PTPRD: variants seen among roughly 807,000 people sequenced by gnomAD.
PTPRD encodes receptor-type tyrosine-protein phosphatase delta.
PTPRD carries 34 observed loss-of-function variants against 214.5 expected under a neutral mutation model. The observed-to-expected ratio is 0.16, with a 90% CI of 0.12 to 0.21. The LOEUF (loss-of-function observed/expected upper bound fraction) is 0.21, where lower values mean the gene tolerates loss of function less well. PTPRD is among the 10% of genes least tolerant of loss of function. The pLI is 1.00. For synonymous variants in PTPRD, 1,128 were observed against 845.7 expected (o/e 1.33, Z -5.79); for missense variants, 2,545 against 2,398.7 (o/e 1.06, Z -1.27).
chr9:9,771,273 T>A (rs1354405178), intron 5 of PTPRD, among the ~76,000 whole-genome samples: 1 of 152,204 alleles, frequency 6.6e-6, no homozygotes, highest in East Asian at 1.9e-4. Context: ...TCACTGTCTA[T>A]TTCTTTTAAG....
intron 14 of PTPRD, among the ~76,000 whole-genome samples, chr9:8,574,831 T>A (rs958777470): frequency 3.9e-5 from 6 of 151,952 alleles, no homozygotes; most frequent in African/African-American, 7.2e-5. Flanking sequence ...AACAAACTTA[T>A]AAAATGAAGT....
intron 9 of PTPRD, among the ~76,000 whole-genome samples, chr9:9,339,882 C>T (rs182236031): frequency 1.7e-3 from 263 of 152,186 alleles, no homozygotes; most frequent in Non-Finnish European, 3.0e-3. Flanking sequence ...GGTTTTAGGT[C>T]AATTTATACC....
intron 2 of PTPRD, among the ~76,000 whole-genome samples, chr9:10,415,792 G>A (rs2098481535): frequency 6.6e-6 from 1 of 151,824 alleles, no homozygotes; most frequent in Admixed American, 6.6e-5. Flanking sequence ...GAGGCAAGAG[G>A]TGGTGATTTT....
At chr9:9,027,933 A>G (rs1051407302) in intron 10 of PTPRD, among the ~76,000 whole-genome samples, 2 of 151,950 alleles carry the variant, frequency 1.3e-5, no homozygotes, top group Admixed American at 6.6e-5. Flanking sequence ...GATGAAAAAC[A>G]TATTAGCCAC....
At chr9:8,792,628 G>T (rs10977301) in intron 11 of PTPRD, among the ~76,000 whole-genome samples, 2 of 152,086 alleles carry the variant, frequency 1.3e-5, no homozygotes, top group African/African-American at 2.4e-5. Context: ...TAGCCTTTCC[G>T]TTGTTGTTTA....
chr9:9,622,786 A>T (rs1306278244), intron 7 of PTPRD, among the ~76,000 whole-genome samples: 1 of 152,268 alleles, frequency 6.6e-6, no homozygotes, highest in East Asian at 1.9e-4. Flanking sequence ...GTAAAGGGAT[A>T]AACACTGCTC....
At chr9:9,904,843 C>T (rs544441979) in intron 5 of PTPRD, among the ~76,000 whole-genome samples, 4 of 152,056 alleles carry the variant, frequency 2.6e-5, no homozygotes, top group South Asian at 2.1e-4. Flanking sequence ...TCAGAGAAAT[C>T]GTAGGTGGGC....
At chr9:9,112,744 G>A (rs994770313) in intron 10 of PTPRD, among the ~76,000 whole-genome samples, 5 of 152,150 alleles carry the variant, frequency 3.3e-5, no homozygotes, top group African/African-American at 1.2e-4. Flanking sequence ...TAACAAAATT[G>A]TGAGAGAAAT....
intron 7 of PTPRD, among the ~76,000 whole-genome samples, chr9:9,674,272 T>C (rs988475798): frequency 4.1e-4 from 62 of 151,762 alleles, no homozygotes; most frequent in African/African-American, 1.4e-3. Context: ...CTTATAATAT[T>C]AACTTTAAAC....
chr9:8,407,297 G>A (rs578075875), intron 35 of PTPRD, among the ~76,000 whole-genome samples: 21 of 152,274 alleles, frequency 1.4e-4, no homozygotes, highest in Middle Eastern at 6.8e-3. Context: ...ATTGTTACAA[G>A]GTAGGTATTG....
chr9:9,839,608 G>A (rs942704250), intron 5 of PTPRD, among the ~76,000 whole-genome samples: 2 of 151,820 alleles, frequency 1.3e-5, no homozygotes, highest in Non-Finnish European at 2.9e-5. Context: ...AATCAATATC[G>A]TGAAAATGGC....
chr9:9,863,701 GC>G lies in PTPRD; in HGVS notation c.-368+74805del, dbSNP rs565128724. Among the ~76,000 whole-genome samples the G allele has an allele frequency of 1.3e-3, 195 of 152,196 alleles. 1 individual carries two copies. The highest frequency in any genetic ancestry group is 6.3e-4 in the Non-Finnish European group (43 of 68,010). The stretch of plus-strand genomic sequence containing the variant: ...ACGTCACTGAAATATTTGTGAGAGG[GC>G]TATTGGAGATGAAAAGAGACATAAG... On this transcript the variant is annotated intron_variant, in intron 5 of 45. Transcript: ENST00000381196.
chr9:10,524,636 A>G (rs1317458988), intron 2 of PTPRD, among the ~76,000 whole-genome samples: 1 of 152,096 alleles, frequency 6.6e-6, no homozygotes, highest in East Asian at 1.9e-4. Flanking sequence ...TTGAGAGCAC[A>G]TAGTCTCTTC....
chr9:9,561,317 T>G (rs937728015), intron 8 of PTPRD, among the ~76,000 whole-genome samples: 2 of 152,218 alleles, frequency 1.3e-5, no homozygotes, highest in African/African-American at 4.8e-5. Flanking sequence ...GATGTCTGCC[T>G]GTGACTTCTG....
At chr9:8,507,949 T>C (rs976207653) in intron 21 of PTPRD, among the ~76,000 whole-genome samples, 1 of 152,054 alleles carries the variant, frequency 6.6e-6, no homozygotes, top group African/African-American at 2.4e-5. Context: ...TCACTCAGCA[T>C]TTTTTCTTAC....
intron 8 of PTPRD, among the ~76,000 whole-genome samples, chr9:9,545,499 T>C (rs1006669296): frequency 5.0e-4 from 76 of 152,080 alleles, no homozygotes; most frequent in African/African-American, 1.7e-3. Context: ...CCACACTTTA[T>C]CCATTCACCT....
At chr9:9,233,710 T>C (rs1490459360) in intron 9 of PTPRD, among the ~76,000 whole-genome samples, 2 of 152,216 alleles carry the variant, frequency 1.3e-5, no homozygotes, top group Admixed American at 1.3e-4. Flanking sequence ...AAAGGGGCTA[T>C]AGGCCCCATG....
At chr9:9,627,839 A>C (rs1258372485) in intron 7 of PTPRD, among the ~76,000 whole-genome samples, 1 of 152,222 alleles carries the variant, frequency 6.6e-6, no homozygotes, top group African/African-American at 2.4e-5. Flanking sequence ...CTTGTTAGGT[A>C]CTATGCTAGG....
intron 2 of PTPRD, among the ~76,000 whole-genome samples, chr9:10,385,933 A>G (rs969513649): frequency 6.6e-6 from 1 of 151,886 alleles, no homozygotes; most frequent in Non-Finnish European, 1.5e-5. Context: ...CTAGCAAAAA[A>G]TCACATATTC....
Sources: gnomAD v4.1 joint callset for allele counts (sites outside exome capture counted in the v4.1 genomes callset) on GRCh38, gnomAD v4.1.1 for gene constraint, MANE v1.5 for transcripts, NCBI Gene and HGNC (gene_info 2026-07-23, HGNC 2026-07-21) for gene names.